RIMS1: variants seen among roughly 807,000 people sequenced by gnomAD.
RIMS1 encodes regulating synaptic membrane exocytosis 1.
In RIMS1, 83 loss-of-function variants were observed where a neutral mutation model predicts 214.1. The observed-to-expected ratio is 0.39, with a 90% confidence interval of 0.32 to 0.47. The LOEUF is 0.47. Ranked by LOEUF, RIMS1 falls within the 20% of genes least tolerant of loss-of-function variation. The pLI, the probability that RIMS1 is intolerant of heterozygous loss-of-function variation, is 0.99. For missense variants in RIMS1, 2,050 were observed against 2,161.8 expected, an observed-to-expected ratio of 0.95 and a Z score of 1.03; for synonymous variants, 793 against 786.8, an observed-to-expected ratio of 1.01 and a Z score of -0.13.
intron 4 of RIMS1, among the ~76,000 whole-genome samples, chr6:72,148,953 C>G (rs1043151080): frequency 1.3e-5 from 2 of 151,648 alleles, no homozygotes; most frequent in Admixed American, 1.3e-4. Context: ...AAAGGAGTCC[C>G]AGGAATTGGG....
At chr6:72,056,981 A>G (rs1369298271) in intron 2 of RIMS1, among the ~76,000 whole-genome samples, 1 of 152,144 alleles carries the variant, frequency 6.6e-6, no homozygotes, top group African/African-American at 2.4e-5. Flanking sequence ...TAATCTGCAG[A>G]TATTTTTCTG....
chr6:72,166,228 A>G (rs540633550), intron 4 of RIMS1, among the ~76,000 whole-genome samples: 1 of 152,050 alleles, frequency 6.6e-6, no homozygotes, highest in South Asian at 2.1e-4. Context: ...ACATGCACAC[A>G]TACACAGTGA....
chr6:72,313,745 A>T, intron 28 of RIMS1, 73 bp downstream of exon 28: 1 of 1,425,310 alleles, frequency 7.0e-7, no homozygotes, highest in East Asian at 2.5e-5. Context: ...CTTCCTGAAT[A>T]TTTTTTCTAT....
intron 2 of RIMS1, among the ~76,000 whole-genome samples, chr6:72,085,286 G>A (rs765328570): frequency 1.3e-5 from 2 of 152,048 alleles, no homozygotes; most frequent in East Asian, 3.8e-4. Context: ...AACATCTGGG[G>A]TAAATTTCTG....
intron 4 of RIMS1, among the ~76,000 whole-genome samples, chr6:72,149,012 C>G (rs145234543): frequency 6.6e-6 from 1 of 151,936 alleles, no homozygotes; most frequent in Non-Finnish European, 1.5e-5. Flanking sequence ...AAATCTGCCA[C>G]GTAGAAAAGC....
Position 72,252,703 on chromosome 6 carries a change from T to A in RIMS1, c.2699-58T>A, listed in dbSNP as rs2073976852. 3 of 1,449,002 alleles carry A rather than the reference T, an allele frequency of 2.1e-6. No individual in the cohort carries two copies. In the Admixed American group the frequency reaches 5.9e-5, roughly 28 times the overall value. The allele number at this position is 1,449,002 out of a possible 1,614,324, so 89.8% of individuals were successfully genotyped here. ...TTTTAAAAAAAGTTTGACAGTGCTC[T>A]TTACGTTTCATAAACCAACCAGACA... On this transcript the variant is annotated intron_variant, in intron 15 of 33. Coordinates refer to ENST00000521978, the MANE Select transcript of RIMS1 (RefSeq NM_014989.7).
chr6:72,234,489 T>A (rs2063273230), intron 7 of RIMS1, among the ~76,000 whole-genome samples: 1 of 152,012 alleles, frequency 6.6e-6, no homozygotes, highest in African/African-American at 2.4e-5. Context: ...CCTTTCCACC[T>A]GTTTACCTTG....
chr6:71,964,878 A>G (rs769253378), intron 1 of RIMS1, among the ~76,000 whole-genome samples: 25 of 152,178 alleles, frequency 1.6e-4, no homozygotes, highest in Non-Finnish European at 3.7e-4. Flanking sequence ...GAAGCACTGA[A>G]TGGGGGGTGT....
At position 72,154,789 on chromosome 6, in the gene RIMS1, C is replaced by A. The variant is rs2044219405; in HGVS notation, c.472-24786C>A. ...AGTGCTAAGAGAGACTTTTGGCCCA[C>A]TATTTATCCCATGGGGAAAAATGAG... On this transcript the variant is annotated intron_variant, in intron 4 of 33. Coordinates refer to ENST00000521978, the MANE Select transcript of RIMS1 (RefSeq NM_014989.7). 1.4e-5 allele frequency among the ~76,000 whole-genome samples: 2 copies of A among 140,942 alleles called. 1 individual carries two copies. Among genetic ancestry groups the A allele is most frequent in the Admixed American group, 1.5e-4 (2 of 13,788 alleles). The allele number at this position is 140,942 out of a possible 152,430, so 92.5% of individuals were successfully genotyped here. A position where few individuals can be genotyped will look rare whatever the true frequency, so the allele number is the denominator to read the frequency against.
chr6:71,914,963 G>A (rs915969663), intron 1 of RIMS1, among the ~76,000 whole-genome samples: 5 of 152,102 alleles, frequency 3.3e-5, no homozygotes, highest in African/African-American at 1.2e-4. Context: ...AAATACAGTG[G>A]ACACTCAGCA....
intron 28 of RIMS1, among the ~76,000 whole-genome samples, chr6:72,323,675 A>G (rs1334825422): frequency 6.6e-6 from 1 of 151,930 alleles, no homozygotes; most frequent in Non-Finnish European, 1.5e-5. Flanking sequence ...TTACAGACCG[A>G]CAATTTTCCA....
chr6:72,310,600 TAA>T (rs1279788659), intron 27 of RIMS1, among the ~76,000 whole-genome samples: 1 of 152,072 alleles, frequency 6.6e-6, no homozygotes, highest in Non-Finnish European at 1.5e-5. Context: ...TACTTACTTC[TAA>T]AAATAGTAGT....
chr6:72,237,733 A>G, intron 8 of RIMS1, 90 bp from the exon 9 acceptor site: 1 of 929,008 alleles, frequency 1.1e-6, no homozygotes, highest in Non-Finnish European at 1.7e-6. Flanking sequence ...TTTCAAGTGT[A>G]TCATAAAAGA....
intron 4 of RIMS1, among the ~76,000 whole-genome samples, chr6:72,111,798 G>T (rs1020162119): frequency 5.9e-5 from 9 of 152,082 alleles, no homozygotes; most frequent in Non-Finnish European, 1.0e-4. Flanking sequence ...AGCATTCCTA[G>T]TCTGCATTCC....
At chr6:72,353,486 G>A (rs987914007) in intron 29 of RIMS1, among the ~76,000 whole-genome samples, 2 of 152,166 alleles carry the variant, frequency 1.3e-5, no homozygotes, top group African/African-American at 4.8e-5. Flanking sequence ...TAGAGTCCAG[G>A]TTCCCCTGTT....
chr6:72,200,805 G>A (rs903951789), intron 6 of RIMS1, among the ~76,000 whole-genome samples: 26 of 151,420 alleles, frequency 1.7e-4, no homozygotes, highest in Admixed American at 1.3e-3. Flanking sequence ...GACATTAGCC[G>A]TTTTAATCAT....
intron 24 of RIMS1, among the ~76,000 whole-genome samples, chr6:72,288,375 C>T (rs190359293): frequency 1.3e-5 from 2 of 152,258 alleles, no homozygotes; most frequent in African/African-American, 4.8e-5. Context: ...TGCATATGCG[C>T]ACAAACACTT....
At chr6:71,996,488 G>A (rs1803474312) in intron 2 of RIMS1, among the ~76,000 whole-genome samples, 1 of 152,172 alleles carries the variant, frequency 6.6e-6, no homozygotes, top group African/African-American at 2.4e-5. Flanking sequence ...ATAATTTAAT[G>A]GAGAGATTCA....
intron 6 of RIMS1, among the ~76,000 whole-genome samples, chr6:72,186,615 G>A (rs1348467595): frequency 2.0e-5 from 3 of 152,110 alleles, no homozygotes; most frequent in Admixed American, 2.0e-4. Context: ...TAGAAGTGTT[G>A]GAGCCCTTCA....
Sources: allele counts gnomAD v4.1 joint callset (sites outside exome capture counted in the v4.1 genomes callset), GRCh38; gene constraint gnomAD v4.1.1; transcripts MANE v1.5; gene names NCBI Gene and HGNC (gene_info 2026-07-23, HGNC 2026-07-21).